TRIO: variants seen among roughly 807,000 people sequenced by gnomAD.
TRIO encodes the protein triple functional domain protein.
In TRIO, 58 loss-of-function variants were observed where a neutral mutation model predicts 351.9. That is an observed-to-expected ratio of 0.16 (90% CI 0.13 to 0.21). The LOEUF is 0.21. Among genes scored for constraint, TRIO ranks in the 10% least tolerant of loss-of-function variants. The probability of loss-of-function intolerance (pLI) is 1.00; values close to 1 mark genes in which losing one functional copy is unlikely to be tolerated. For synonymous variants in TRIO, 1,758 were observed against 1,595.7 expected (o/e 1.10, Z -2.42); for missense variants, 3,201 against 4,027.8 (o/e 0.79, Z 5.56).
intron 7 of TRIO, among the ~76,000 whole-genome samples, chr5:14,300,769 A>G (rs1001403534): frequency 4.6e-5 from 7 of 152,218 alleles, no homozygotes; most frequent in East Asian, 1.9e-4. Context: ...GCTGAGGTCT[A>G]TGGCTAGGTC....
At chr5:14,332,769 T>G (rs1741019261) in intron 10 of TRIO, among the ~76,000 whole-genome samples, 1 of 152,198 alleles carries the variant, frequency 6.6e-6, no homozygotes, top group South Asian at 2.1e-4. Context: ...TCTCGGAGCC[T>G]CGGTTTTCCT....
chr5:14,429,381 T>C (rs1750909946), intron 34 of TRIO, among the ~76,000 whole-genome samples: 1 of 152,176 alleles, frequency 6.6e-6, no homozygotes, highest in Non-Finnish European at 1.5e-5. Context: ...TGTGATTATA[T>C]TGTACTCCTT....
At chr5:14,454,584 G>T (rs1443776786) in intron 34 of TRIO, among the ~76,000 whole-genome samples, 1 of 152,150 alleles carries the variant, frequency 6.6e-6, no homozygotes, top group Non-Finnish European at 1.5e-5. Context: ...CAGCTGGTTT[G>T]TTGGCTCACC....
At chr5:14,258,608 G>A (rs1375625289) in intron 1 of TRIO, among the ~76,000 whole-genome samples, 1 of 152,160 alleles carries the variant, frequency 6.6e-6, no homozygotes, top group African/African-American at 2.4e-5. Context: ...CTCAGATTGG[G>A]CACTGCAGGG....
At chr5:14,156,816 G>A (rs148075722) in intron 1 of TRIO, among the ~76,000 whole-genome samples, 117 of 152,320 alleles carry the variant, frequency 7.7e-4, no homozygotes, top group African/African-American at 2.8e-3. Context: ...AACAGATGAA[G>A]TAATGCTCTG....
Position 14,462,897 on chromosome 5 carries a change from T to G in TRIO, c.5639T>G (p.Leu1880Arg). 6.2e-7 allele frequency: 1 copy of G among 1,604,928 alleles called. No homozygotes were observed. Among genetic ancestry groups the G allele is most frequent in the Middle Eastern group, 1.7e-4 (1 of 5,992 alleles). ...CCCATGGCCATCCAGCAGCACAGCC[T>G]CCTCCAGCCAGACTCACAGGATGAC... ...PPPMAIQQHS[L>R]LQPDSQDDKA... The change falls in exon 36 of 57, where the codon CTC becomes CGC. Residue 1880 changes from leucine (L) to arginine (R), a missense_variant. By Grantham distance (102) the Leu-to-Arg change is moderately radical. Around this residue, in one of 19 missense-constraint regions of TRIO, gnomAD observed 307 missense variants for 396.5 expected, o/e 0.77. Transcript: ENST00000344204.
At chr5:14,305,477 T>G (rs903870155) in intron 8 of TRIO, among the ~76,000 whole-genome samples, 3 of 152,246 alleles carry the variant, frequency 2.0e-5, no homozygotes, top group African/African-American at 7.2e-5. Flanking sequence ...GTAAGAAGCA[T>G]CTATATCTAC....
chr5:14,290,943 G>T lies in TRIO; in HGVS notation c.768G>T (p.Met256Ile), dbSNP rs372338229. 3.1e-6 allele frequency: 5 copies of T among 1,614,062 alleles called. No individual in the cohort carries two copies. In the African/African-American group the frequency reaches 6.7e-5, roughly 22 times the overall value. The change falls in exon 5 of 57, where the codon ATG becomes ATT. Residue 256 changes from methionine (M) to isoleucine (I), a missense_variant. Met to Ile is a conservative substitution (Grantham distance 10). Transcript: ENST00000344204. ...AGGATTTAGAGGGGGCTCGGAATATGATCGAGGAACATTCTCAGCTGAAGA... is the reference window on the plus strand; with the variant it reads ...AGGATTTAGAGGGGGCTCGGAATATTATCGAGGAACATTCTCAGCTGAAGA... ...LPQDLEGARN[M>I]IEEHSQLKKK...
intron 34 of TRIO, among the ~76,000 whole-genome samples, chr5:14,430,132 G>A (rs969354634): frequency 6.9e-6 from 1 of 145,746 alleles, no homozygotes; most frequent in African/African-American, 2.6e-5. Flanking sequence ...TAGGTTAAAT[G>A]TATTTATAGG....
At chr5:14,315,493 C>T (rs141318950) in intron 8 of TRIO, among the ~76,000 whole-genome samples, 3 of 152,026 alleles carry the variant, frequency 2.0e-5, no homozygotes, top group Admixed American at 6.6e-5. Flanking sequence ...CCTTGTGATC[C>T]GCCTGCCTCG....
intron 1 of TRIO, among the ~76,000 whole-genome samples, chr5:14,218,618 G>A (rs932363144): frequency 6.6e-6 from 1 of 152,204 alleles, no homozygotes; most frequent in Non-Finnish European, 1.5e-5. Context: ...GCGAGGCTGC[G>A]CAGTGGGGCT....
chr5:14,362,328 C>T (rs1008899586), intron 13 of TRIO, among the ~76,000 whole-genome samples: 25 of 152,158 alleles, frequency 1.6e-4, no homozygotes, highest in African/African-American at 5.8e-4. Flanking sequence ...TTCTTACATC[C>T]CCTCAATCAA....
At chr5:14,250,732 A>G (rs1431836771) in intron 1 of TRIO, among the ~76,000 whole-genome samples, 7 of 151,866 alleles carry the variant, frequency 4.6e-5, no homozygotes, top group African/African-American at 1.7e-4. Flanking sequence ...GAATCCTCCT[A>G]TGGTGCTGTT....
intron 11 of TRIO, among the ~76,000 whole-genome samples, chr5:14,340,238 T>C (rs1010232414): frequency 2.6e-5 from 4 of 151,554 alleles, no homozygotes; most frequent in Non-Finnish European, 5.9e-5. Flanking sequence ...CTACTAAAAA[T>C]ACAAAAAAAT....
At position 14,178,665 on chromosome 5, in the gene TRIO, A is replaced by G. The variant is rs551695266; in HGVS notation, c.157+34783A>G. Among the ~76,000 whole-genome samples the G allele has an allele frequency of 9.2e-5, 14 of 152,318 alleles. No homozygotes were observed. The East Asian group carries it at 1.4e-3, about 15-fold the overall frequency. On this transcript the variant is annotated intron_variant, in intron 1 of 56. Transcript: ENST00000344204. Reference sequence around the variant, plus strand: ...ACTGACCATAGTTTCATAATTCAGTATGTAGAGGGTGAGAGTCATGTGAAG... The same window carrying G: ...ACTGACCATAGTTTCATAATTCAGTGTGTAGAGGGTGAGAGTCATGTGAAG...
chr5:14,155,510 T>C (rs1419429678), intron 1 of TRIO, among the ~76,000 whole-genome samples: 3 of 152,212 alleles, frequency 2.0e-5, no homozygotes, highest in Non-Finnish European at 1.5e-5. Context: ...CTCAGGACCA[T>C]GTTACATTTA....
At chr5:14,325,515 C>T (rs917943093) in intron 9 of TRIO, among the ~76,000 whole-genome samples, 5 of 152,164 alleles carry the variant, frequency 3.3e-5, no homozygotes, top group Non-Finnish European at 5.9e-5. Flanking sequence ...GAGTTAGACT[C>T]ACTCCCTCCC....
intron 1 of TRIO, among the ~76,000 whole-genome samples, chr5:14,226,242 T>C (rs546441937): frequency 6.6e-6 from 1 of 152,318 alleles, no homozygotes; most frequent in East Asian, 1.9e-4. Context: ...ATGATGATGA[T>C]GTTGATGTTC....
chr5:14,262,482 C>T (rs899588210), intron 1 of TRIO, among the ~76,000 whole-genome samples: 19 of 151,864 alleles, frequency 1.3e-4, no homozygotes, highest in Admixed American at 1.2e-3. Context: ...ACTGTAGTTG[C>T]GGGCACCAAG....
Sources: allele counts gnomAD v4.1 joint callset (sites outside exome capture counted in the v4.1 genomes callset), GRCh38; gene constraint gnomAD v4.1.1; regional missense constraint gnomAD v4.1.1; transcripts MANE v1.5; gene names NCBI Gene and HGNC (gene_info 2026-07-23, HGNC 2026-07-21).